The following PAIP1 variants were observed in gnomAD, a reference collection of about 807,000 sequenced individuals.
The protein encoded by PAIP1 is poly(A) binding protein interacting protein 1.
Under a neutral mutation model 61.3 loss-of-function variants are expected in PAIP1, and 16 were observed. The ratio of observed to expected loss-of-function variants is 0.26; its 90% CI spans 0.18 to 0.40. PAIP1 has a LOEUF of 0.40. PAIP1 is among the 10% of genes least tolerant of loss of function. The pLI is 1.00. For synonymous variants in PAIP1, 187 were observed against 226.2 expected, an observed-to-expected ratio of 0.83 and a Z score of 1.56; for missense variants, 416 against 600.9, an observed-to-expected ratio of 0.69 and a Z score of 3.22.
intron 2 of PAIP1, among the ~76,000 whole-genome samples, chr5:43,554,374 T>C (rs890735856): frequency 6.6e-6 from 1 of 152,172 alleles, no homozygotes; most frequent in African/African-American, 2.4e-5. Context: ...TAAATACAAT[T>C]TTCTGGCAAG....
intron 1 of PAIP1, 21 bp downstream of exon 1, chr5:43,556,561 G>A (rs1443418838): frequency 2.4e-6 from 3 of 1,245,990 alleles, no homozygotes; most frequent in Middle Eastern, 3.1e-4. Flanking sequence ...GAGGACTGGG[G>A]CCCTTAGAGC....
chr5:43,553,859 G>A (rs999612717), intron 2 of PAIP1, among the ~76,000 whole-genome samples: 2 of 152,148 alleles, frequency 1.3e-5, no homozygotes, highest in Non-Finnish European at 2.9e-5. Context: ...ACCAATTTTT[G>A]CTGTATCAAA....
chr5:43,555,206 G>C (rs1409109614), intron 2 of PAIP1, among the ~76,000 whole-genome samples: 2 of 152,160 alleles, frequency 1.3e-5, no homozygotes, highest in Non-Finnish European at 2.9e-5. Flanking sequence ...TTCACTTTAT[G>C]AGACTGAGCT....
intron 3 of PAIP1, 54 bp downstream of exon 3, chr5:43,547,674 C>T: frequency 8.6e-7 from 1 of 1,168,482 alleles, no homozygotes; most frequent in Non-Finnish European, 1.2e-6. Flanking sequence ...AGCCACTATC[C>T]TTGGGCTTCA....
At chr5:43,541,863 G>A (rs769122735) in intron 4 of PAIP1, among the ~76,000 whole-genome samples, 1 of 151,748 alleles carries the variant, frequency 6.6e-6, no homozygotes, top group South Asian at 2.1e-4. Context: ...AAGTTCATTA[G>A]ACGAAACAAG....
chr5:43,529,154 G>A (rs1746833861), intron 10 of PAIP1, among the ~76,000 whole-genome samples: 1 of 145,372 alleles, frequency 6.9e-6, no homozygotes, highest in Non-Finnish European at 1.5e-5. Flanking sequence ...GACTCAACAG[G>A]TACTACTATT....
chr5:43,548,177 G>T (rs1234810589), intron 2 of PAIP1, among the ~76,000 whole-genome samples: 2 of 152,126 alleles, frequency 1.3e-5, no homozygotes, highest in Non-Finnish European at 2.9e-5. Context: ...GAGGAATAAA[G>T]TTTAAACCAA....
intron 3 of PAIP1, among the ~76,000 whole-genome samples, chr5:43,545,774 ATTT>A (rs761073861): frequency 7.0e-6 from 1 of 142,180 alleles, no homozygotes; most frequent in African/African-American, 2.6e-5. Context: ...TTAATCTGTC[ATTT>A]TTTTTTTTTT....
chr5:43,546,208 T>C (rs758434282), intron 3 of PAIP1, among the ~76,000 whole-genome samples: 27 of 152,238 alleles, frequency 1.8e-4, no homozygotes, highest in Non-Finnish European at 3.4e-4. Context: ...ACATTAAACA[T>C]ACTGACTACA....
At chr5:43,550,837 C>CAAAAAAAAAACAAA (rs1747833672) in intron 2 of PAIP1, among the ~76,000 whole-genome samples, 1 of 49,556 alleles carries the variant, frequency 2.0e-5, no homozygotes, top group Admixed American at 3.0e-4. Context: ...AAATATACTA[C>CAAAAAAAAAACAAA]AAAAAAAAAA....
chr5:43,556,847 GCTCCTCCTCCTC>G lies in PAIP1; in HGVS notation c.-13_-2del. Reference sequence around the variant, plus strand: ...GGGCCCGATCGAAACCGTCCGACATGCTCCTCCTCCTCCGCCTCCTCCTCCAGGGGCCGCTGC... The same window carrying G: ...GGGCCCGATCGAAACCGTCCGACATGCGCCTCCTCCTCCAGGGGCCGCTGC... On this transcript the variant is annotated 5_prime_UTR_variant, in exon 1 of 11. Transcript: ENST00000306846. 1 of 1,432,542 alleles carries G rather than the reference GCTCCTCCTCCTC, an allele frequency of 7.0e-7. No homozygotes were observed. Among genetic ancestry groups the G allele is most frequent in the Non-Finnish European group, 9.1e-7 (1 of 1,095,010 alleles). The allele number at this position is 1,432,542 out of a possible 1,614,324, so 88.7% of individuals were successfully genotyped here.
Position 43,555,996 on chromosome 5 carries a change from T to G in PAIP1, c.269A>C (p.Gln90Pro), listed in dbSNP as rs749422672. 1 of 1,609,428 alleles carries G rather than the reference T, an allele frequency of 6.2e-7. No individual in the cohort carries two copies. Among genetic ancestry groups the G allele is most frequent in the East Asian group, 2.2e-5 (1 of 44,854 alleles). Residue 90 changes from glutamine to proline, a missense_variant, in exon 2 of 11, where the codon CAA (glutamine) becomes CCA (proline). Transcript: ENST00000306846. ...RPSRPGALPE[Q>P]TRPLRAPPSS... is the part of the protein sequence containing the mutation. ...AGGTGGAGCTCTCAGGGGCCTCGTTTGCTCTGCAAAAGAAAAAAAAACGGG... is the reference window on the plus strand; with the variant it reads ...AGGTGGAGCTCTCAGGGGCCTCGTTGGCTCTGCAAAAGAAAAAAAAACGGG...
intron 9 of PAIP1, among the ~76,000 whole-genome samples, chr5:43,532,991 G>C (rs746190923): frequency 3.3e-5 from 5 of 152,202 alleles, no homozygotes; most frequent in Non-Finnish European, 7.3e-5. Flanking sequence ...CTGCTGATGG[G>C]AAGATTAAGT....
intron 9 of PAIP1, among the ~76,000 whole-genome samples, chr5:43,532,915 C>T (rs1481669909): frequency 6.6e-6 from 1 of 152,190 alleles, no homozygotes; most frequent in Non-Finnish European, 1.5e-5. Context: ...TTCATACAAT[C>T]TGATGGACAA....
intron 9 of PAIP1, among the ~76,000 whole-genome samples, chr5:43,531,831 G>A (rs61156250): frequency 0.057 from 8,651 of 151,776 alleles, 799 homozygotes; most frequent in African/African-American, 0.2. Context: ...AGTTTAAGAC[G>A]GTTAAGGCAA....
intron 4 of PAIP1, 31 bp downstream of exon 4, chr5:43,542,972 TA>T: frequency 9.4e-7 from 1 of 1,065,702 alleles, no homozygotes; most frequent in South Asian, 1.3e-5. Flanking sequence ...TATTTAGAAG[TA>T]GTTTTCCTTT....
In PAIP1 at chr5:43,555,975, G is replaced by A; in HGVS notation, c.290C>T (p.Pro97Leu). The A allele has an allele frequency of 6.2e-7, 1 of 1,613,502 alleles. No homozygotes were observed. Among genetic ancestry groups the A allele is most frequent in the Admixed American group, 1.7e-5 (1 of 59,884 alleles). Reference sequence around the variant, plus strand: ...TGGGATTTTATCCTGTGAACTAGGTGGAGCTCTCAGGGGCCTCGTTTGCTC... The same window carrying A: ...TGGGATTTTATCCTGTGAACTAGGTAGAGCTCTCAGGGGCCTCGTTTGCTC... ...LPEQTRPLRA[P>L]PSSQDKIPQQ... Residue 97 changes from proline (P) to leucine (L), a missense_variant, in exon 2 of 11, where the codon CCA becomes CTA. Physicochemically the swap from Pro to Leu is moderately conservative, Grantham distance 98 (BLOSUM62 -3). Around this residue, in one of 4 missense-constraint regions of PAIP1, gnomAD observed 180 missense variants for 211.2 expected, o/e 0.85. Coordinates refer to ENST00000306846, the MANE Select transcript of PAIP1 (RefSeq NM_006451.5).
chr5:43,541,902 C>T (rs150273449), intron 4 of PAIP1, among the ~76,000 whole-genome samples: 324 of 152,108 alleles, frequency 2.1e-3, no homozygotes, highest in African/African-American at 7.4e-3. Context: ...ACAGGCTGGG[C>T]GTGGTGGCTC....
rs1561236574 is a variant in PAIP1, at chr5:43,547,922, CA to C, written c.436-10del. On this transcript the variant is annotated splice_polypyrimidine_tract_variant and intron_variant, in intron 2 of 10. Coordinates refer to ENST00000306846, the MANE Select transcript of PAIP1 (RefSeq NM_006451.5). ...CCATCCTCATAGGATTCCTACGGAT[CA>C]AAAATGAAAAAACAATTTTAATCTA... 6.3e-7 allele frequency: 1 copy of C among 1,580,578 alleles called. No individual in the cohort carries two copies. The highest frequency in any genetic ancestry group is 8.6e-7 in the Non-Finnish European group (1 of 1,161,852).
Sources: gnomAD v4.1 joint callset for allele counts (sites outside exome capture counted in the v4.1 genomes callset) on GRCh38, gnomAD v4.1.1 for gene constraint, gnomAD v4.1.1 regional missense constraint, MANE v1.5 for transcripts, NCBI Gene and HGNC (gene_info 2026-07-23, HGNC 2026-07-21) for gene names.